Variants in ATP8A2 observed in about 807,000 individuals in gnomAD.
ATP8A2 encodes the protein phospholipid-transporting ATPase IB.
ATP8A2 carries 100 observed loss-of-function variants against 165.6 expected under a neutral mutation model. The observed-to-expected ratio is 0.60, with a 90% CI of 0.51 to 0.71. ATP8A2 has a LOEUF of 0.71. Ranked by LOEUF, ATP8A2 falls within the 30% of genes least tolerant of loss-of-function variation. ATP8A2 has a pLI of 0.00. For missense variants in ATP8A2, 1,227 were observed against 1,479.5 expected, an observed-to-expected ratio of 0.83 and a Z score of 2.80; for synonymous variants, 543 against 548.8, an observed-to-expected ratio of 0.99 and a Z score of 0.15.
intron 25 of ATP8A2, among the ~76,000 whole-genome samples, chr13:25,737,655 C>T (rs563860656): frequency 7.9e-5 from 12 of 152,040 alleles, no homozygotes; most frequent in Admixed American, 1.3e-4. Context: ...AATGCCACCA[C>T]GCCTGGCTTT....
At chr13:25,393,881 A>C (rs1264359409) in intron 1 of ATP8A2, among the ~76,000 whole-genome samples, 1 of 152,230 alleles carries the variant, frequency 6.6e-6, no homozygotes, top group Admixed American at 6.5e-5. Flanking sequence ...AGAGTTCTGC[A>C]TCAGGTAGAC....
At chr13:25,632,851 A>G (rs1210553218) in intron 24 of ATP8A2, among the ~76,000 whole-genome samples, 1 of 152,086 alleles carries the variant, frequency 6.6e-6, no homozygotes, top group Non-Finnish European at 1.5e-5. Context: ...TGCGTGGGAG[A>G]AGTTGTGCTC....
chr13:25,545,378 A>G (rs1016724252), intron 10 of ATP8A2, among the ~76,000 whole-genome samples: 7 of 152,094 alleles, frequency 4.6e-5, no homozygotes, highest in Admixed American at 1.3e-4. Context: ...AGCGGCCTGC[A>G]TATGAAGACT....
At chr13:26,016,224 A>C (rs6491096) in intron 36 of ATP8A2, among the ~76,000 whole-genome samples, 4,421 of 152,314 alleles carry the variant, frequency 0.029, 203 homozygotes, top group African/African-American at 0.094. Flanking sequence ...ACACGCTGGA[A>C]ATGTGGTGGT....
chr13:25,680,859 C>T (rs868687905), intron 24 of ATP8A2, among the ~76,000 whole-genome samples: 12 of 152,030 alleles, frequency 7.9e-5, no homozygotes, highest in East Asian at 1.9e-4. Context: ...TTGGTGTGGG[C>T]GCTTGGTTTC....
intron 1 of ATP8A2, among the ~76,000 whole-genome samples, chr13:25,381,842 T>C (rs2032848927): frequency 1.3e-5 from 2 of 152,198 alleles, no homozygotes; most frequent in African/African-American, 4.8e-5. Flanking sequence ...CTACGCAGGA[T>C]GATATGTTGA....
chr13:25,582,955 G>A (rs532718754), intron 23 of ATP8A2, among the ~76,000 whole-genome samples: 3 of 152,352 alleles, frequency 2.0e-5, no homozygotes, highest in Admixed American at 1.3e-4. Context: ...CCAAACAACG[G>A]AAGTTAAGCT....
rs576078189 is a variant in ATP8A2, at chr13:25,564,468, C to G, written c.1473+437C>G. On this transcript the variant is annotated intron_variant, in intron 16 of 36. Transcript: ENST00000381655. Reference sequence around the variant, plus strand: ...ATTCTACTGTGTGCCAGGCAACTAACATATATTTCTTTCAACACTTTAGTC... The same window carrying G: ...ATTCTACTGTGTGCCAGGCAACTAAGATATATTTCTTTCAACACTTTAGTC... Among the ~76,000 whole-genome samples, 4 of 152,240 alleles carry G rather than the reference C, an allele frequency of 2.6e-5. No homozygotes were observed. In the South Asian group the frequency reaches 8.3e-4, roughly 32 times the overall value.
chr13:25,449,718 T>A (rs2035161760), intron 1 of ATP8A2, among the ~76,000 whole-genome samples: 1 of 152,254 alleles, frequency 6.6e-6, no homozygotes, highest in Non-Finnish European at 1.5e-5. Context: ...TTTTCCATTA[T>A]ATATCTGTTA....
intron 1 of ATP8A2, among the ~76,000 whole-genome samples, chr13:25,463,664 T>C (rs1296951132): frequency 6.6e-6 from 1 of 152,154 alleles, no homozygotes; most frequent in African/African-American, 2.4e-5. Flanking sequence ...AGTGAAACGA[T>C]GAGGAATTTG....
chr13:25,871,667 G>T (rs1257035921), intron 33 of ATP8A2, among the ~76,000 whole-genome samples: 1 of 152,124 alleles, frequency 6.6e-6, no homozygotes, highest in Non-Finnish European at 1.5e-5. Flanking sequence ...AAAAGTAGGG[G>T]ATATTTTCAG....
At chr13:25,932,962 T>G (rs1954804107) in intron 33 of ATP8A2, among the ~76,000 whole-genome samples, 1 of 152,184 alleles carries the variant, frequency 6.6e-6, no homozygotes, top group Non-Finnish European at 1.5e-5. Context: ...TTCTCCCACC[T>G]CAGCCTCCCC....
At chr13:25,492,453 A>G (rs2036556259) in intron 2 of ATP8A2, among the ~76,000 whole-genome samples, 2 of 152,188 alleles carry the variant, frequency 1.3e-5, no homozygotes, top group Admixed American at 6.5e-5. Flanking sequence ...TTTGCCACAT[A>G]GAGAAGGGGG....
At chr13:25,970,231 C>T (rs912514) in intron 35 of ATP8A2, among the ~76,000 whole-genome samples, 47,781 of 152,058 alleles carry the variant, frequency 0.31, 7,891 homozygotes, top group South Asian at 0.37. Flanking sequence ...CAGAGCAAAA[C>T]TCTCAAACTC....
intron 33 of ATP8A2, among the ~76,000 whole-genome samples, chr13:25,872,346 G>A (rs1952702117): frequency 6.6e-6 from 1 of 152,160 alleles, no homozygotes; most frequent in Non-Finnish European, 1.5e-5. Context: ...GGCTGGCTGA[G>A]GATGAATTGA....
At chr13:25,434,874 A>G (rs536211220) in intron 1 of ATP8A2, among the ~76,000 whole-genome samples, 1 of 152,140 alleles carries the variant, frequency 6.6e-6, no homozygotes. Context: ...TGGTATGGAC[A>G]TATCACTGCA....
intron 33 of ATP8A2, among the ~76,000 whole-genome samples, chr13:25,928,557 T>TGA (rs1329928130): frequency 6.6e-6 from 1 of 152,116 alleles, no homozygotes; most frequent in Non-Finnish European, 1.5e-5. Flanking sequence ...AGAAAGAAAA[T>TGA]GATTACTCTA....
intron 1 of ATP8A2, among the ~76,000 whole-genome samples, chr13:25,408,461 T>A (rs941005652): frequency 7.9e-5 from 12 of 151,986 alleles, no homozygotes; most frequent in Non-Finnish European, 1.2e-4. Context: ...ACAGACAGGA[T>A]GGTGAGCAGT....
chr13:25,520,796 A>G (rs1449208411), intron 2 of ATP8A2, among the ~76,000 whole-genome samples: 1 of 151,532 alleles, frequency 6.6e-6, no homozygotes, highest in African/African-American at 2.4e-5. Context: ...TATTTTTTTT[A>G]GTAGAGACAA....
Sources: gnomAD v4.1 joint callset for allele counts (sites outside exome capture counted in the v4.1 genomes callset) on GRCh38, gnomAD v4.1.1 for gene constraint, MANE v1.5 for transcripts, NCBI Gene and HGNC (gene_info 2026-07-23, HGNC 2026-07-21) for gene names.